The following FBXL7 variants were observed in gnomAD, a reference collection of about 807,000 sequenced individuals.
FBXL7 encodes F-box and leucine rich repeat protein 7.
FBXL7 carries 12 observed loss-of-function variants against 38.3 expected under a neutral mutation model. The ratio of observed to expected loss-of-function variants is 0.31; its 90% CI spans 0.20 to 0.51. The LOEUF (loss-of-function observed/expected upper bound fraction) is 0.51. Ranked by LOEUF, FBXL7 falls within the 20% of genes least tolerant of loss-of-function variation. The pLI is 0.98. For missense variants in FBXL7, 567 were observed against 676.4 expected, an observed-to-expected ratio of 0.84 and a Z score of 1.79; for synonymous variants, 297 against 300.9, an observed-to-expected ratio of 0.99 and a Z score of 0.13.
intron 2 of FBXL7, among the ~76,000 whole-genome samples, chr5:15,661,293 G>T (rs1219716316): frequency 2.0e-5 from 3 of 152,024 alleles, no homozygotes; most frequent in Non-Finnish European, 2.9e-5. Flanking sequence ...GTTCTAATAG[G>T]TTTTTTTGTC....
intron 1 of FBXL7, among the ~76,000 whole-genome samples, chr5:15,612,786 G>A (rs950041805): frequency 2.6e-5 from 4 of 152,192 alleles, no homozygotes; most frequent in Non-Finnish European, 4.4e-5. Context: ...AGTTCGAGTA[G>A]AGGAAAGTGA....
At chr5:15,748,118 G>T (rs1462428523) in intron 2 of FBXL7, among the ~76,000 whole-genome samples, 1 of 114,116 alleles carries the variant, frequency 8.8e-6, no homozygotes, top group African/African-American at 2.8e-5. Context: ...ACCTGGAAAA[G>T]TCTAGAGGAA....
chr5:15,666,081 C>T (rs2126590786), intron 2 of FBXL7, among the ~76,000 whole-genome samples: 1 of 152,228 alleles, frequency 6.6e-6, no homozygotes, highest in Middle Eastern at 3.4e-3. Context: ...TAGGTCATGA[C>T]TGAGTCCAGA....
intron 2 of FBXL7, among the ~76,000 whole-genome samples, chr5:15,904,667 A>T (rs1354912786): frequency 6.6e-6 from 1 of 151,994 alleles, no homozygotes; most frequent in Non-Finnish European, 1.5e-5. Flanking sequence ...ATGTTCCTAA[A>T]TTTTTCCCTA....
intron 2 of FBXL7, among the ~76,000 whole-genome samples, chr5:15,806,160 CT>C (rs1272385746): frequency 2.0e-5 from 3 of 152,132 alleles, no homozygotes; most frequent in African/African-American, 7.2e-5. Context: ...ATATTTAAAA[CT>C]TAACTCTTTT....
chr5:15,804,906 T>C (rs1047959456), intron 2 of FBXL7, among the ~76,000 whole-genome samples: 8 of 152,122 alleles, frequency 5.3e-5, no homozygotes, highest in African/African-American at 1.9e-4. Context: ...GCCAAAAAGA[T>C]TGGGGACCAT....
chr5:15,580,770 C>T, intron 1 of FBXL7: 7 of 985,358 alleles, frequency 7.1e-6, no homozygotes, highest in Non-Finnish European at 8.4e-6. Context: ...GTTTCCAGAC[C>T]GTCAAGGGTC....
In FBXL7 at chr5:15,697,846, T is replaced by C. The variant is rs58354076; in HGVS notation, c.127+81774T>C. Among the ~76,000 whole-genome samples the C allele has an allele frequency of 2.1e-3, 325 of 152,350 alleles. 1 individual carries two copies. The highest frequency in any genetic ancestry group is 7.4e-3 in the African/African-American group (309 of 41,580). On this transcript the variant is annotated intron_variant, in intron 2 of 3. Transcript: ENST00000504595. ...TTAATGCCAATGCTATTTTGAATTT[T>C]GCCAAAACCAACCAGTATCCTAGAG...
intron 2 of FBXL7, among the ~76,000 whole-genome samples, chr5:15,760,306 C>T (rs1300192846): frequency 6.6e-6 from 1 of 151,670 alleles, no homozygotes; most frequent in Non-Finnish European, 1.5e-5. Context: ...GTGGTATACC[C>T]TTATATGAGG....
At chr5:15,698,085 G>C (rs1028581839) in intron 2 of FBXL7, among the ~76,000 whole-genome samples, 1 of 152,194 alleles carries the variant, frequency 6.6e-6, no homozygotes, top group African/African-American at 2.4e-5. Context: ...ATCTTCCAGA[G>C]GTTGGAGCAC....
intron 2 of FBXL7, among the ~76,000 whole-genome samples, chr5:15,830,989 C>A (rs978035964): frequency 5.3e-5 from 8 of 152,126 alleles, no homozygotes; most frequent in Non-Finnish European, 8.8e-5. Flanking sequence ...AGGCCTCAGT[C>A]CTGGAGTCTA....
intron 1 of FBXL7, among the ~76,000 whole-genome samples, chr5:15,593,408 C>G (rs1739535883): frequency 1.3e-5 from 2 of 152,086 alleles, no homozygotes; most frequent in South Asian, 4.2e-4. Flanking sequence ...CCTGTAATCC[C>G]AGCTTCTAGG....
intron 1 of FBXL7, among the ~76,000 whole-genome samples, chr5:15,551,373 TACAAAGAA>T (rs547256038): frequency 1.3e-5 from 2 of 152,356 alleles, no homozygotes; most frequent in South Asian, 4.1e-4. Flanking sequence ...AAGTTCTTTC[TACAAAGAA>T]TTGGAACACT....
At chr5:15,841,423 T>C (rs1329182924) in intron 2 of FBXL7, among the ~76,000 whole-genome samples, 1 of 152,054 alleles carries the variant, frequency 6.6e-6, no homozygotes, top group East Asian at 1.9e-4. Context: ...ATAAAAAACA[T>C]AAATAGAAAA....
At chr5:15,883,237 G>A (rs1251346806) in intron 2 of FBXL7, among the ~76,000 whole-genome samples, 1 of 152,176 alleles carries the variant, frequency 6.6e-6, no homozygotes, top group African/African-American at 2.4e-5. Context: ...CTGCCTAAAA[G>A]CCTTGTGATG....
At chr5:15,831,929 C>T (rs1320174728) in intron 2 of FBXL7, among the ~76,000 whole-genome samples, 1 of 152,120 alleles carries the variant, frequency 6.6e-6, no homozygotes. Context: ...CCACACCCCT[C>T]AAGCCCTCTT....
chr5:15,619,093 G>C (rs1201132131), intron 2 of FBXL7, among the ~76,000 whole-genome samples: 1 of 152,124 alleles, frequency 6.6e-6, no homozygotes, highest in Non-Finnish European at 1.5e-5. Flanking sequence ...CTGCATGCGC[G>C]GAGCCCTCTT....
rs541098182 is a variant in FBXL7 at position 15,898,910 on chromosome 5, T to A, written c.128-28980T>A. 2.9e-3 allele frequency among the ~76,000 whole-genome samples: 444 copies of A among 152,282 alleles called. 4 individuals carry two copies. Among genetic ancestry groups the A allele is most frequent in the Non-Finnish European group, 3.3e-3 (224 of 68,018 alleles). ...TTTGGCCAGCAAATTACAAGGATTT[T>A]TTTTTTCCTCCTTTTTGAAAGGACT... is the stretch of plus-strand genomic sequence containing the variant. On this transcript the variant is annotated intron_variant, in intron 2 of 3. Transcript: ENST00000504595.
At chr5:15,840,633 G>C (rs1738719844) in intron 2 of FBXL7, among the ~76,000 whole-genome samples, 3 of 152,050 alleles carry the variant, frequency 2.0e-5, no homozygotes. Flanking sequence ...TGGATCACGA[G>C]GTCAAGGGAT....
Sources: gnomAD v4.1 joint callset for allele counts (sites outside exome capture counted in the v4.1 genomes callset) on GRCh38, gnomAD v4.1.1 for gene constraint, MANE v1.5 for transcripts, NCBI Gene and HGNC (gene_info 2026-07-23, HGNC 2026-07-21) for gene names.